MTCL1: variants seen among roughly 807,000 people sequenced by gnomAD.
The protein encoded by MTCL1 is microtubule cross-linking factor 1.
A neutral mutation model predicts 141.4 loss-of-function variants in MTCL1; 79 were observed. That is an observed-to-expected ratio of 0.56 (90% CI 0.47 to 0.67). MTCL1 has a LOEUF of 0.67. Among genes scored for constraint, MTCL1 ranks in the 30% least tolerant of loss-of-function variants. The pLI is 0.00. For synonymous variants in MTCL1, 914 were observed against 875.8 expected, an observed-to-expected ratio of 1.04 and a Z score of -0.77; for missense variants, 2,177 against 2,113.9, an observed-to-expected ratio of 1.03 and a Z score of -0.59.
At chr18:8,761,044 C>CTT (rs764528398) in intron 4 of MTCL1, among the ~76,000 whole-genome samples, 46 of 152,214 alleles carry the variant, frequency 3.0e-4, no homozygotes, top group Non-Finnish European at 4.4e-5. Flanking sequence ...GGAGAAAAAA[C>CTT]TTGCTAAAGC....
At chr18:8,768,623 T>C (rs910139201) in intron 4 of MTCL1, among the ~76,000 whole-genome samples, 1 of 152,214 alleles carries the variant, frequency 6.6e-6, no homozygotes, top group Non-Finnish European at 1.5e-5. Flanking sequence ...AACATTTTAA[T>C]ATATCATTTA....
intron 4 of MTCL1, among the ~76,000 whole-genome samples, chr18:8,755,669 C>T (rs2096393785): frequency 6.6e-6 from 1 of 152,140 alleles, no homozygotes; most frequent in Non-Finnish European, 1.5e-5. Context: ...GAGTCTAAAC[C>T]ACCTTTAAAA....
chr18:8,718,588 A>G (rs1307461659), exon 3 of MTCL1: 2 of 1,614,060 alleles, frequency 1.2e-6, no homozygotes, highest in Non-Finnish European at 1.7e-6. Context: ...AAAGCCTGAA[A>G]GTGGCTGAGA....
intron 15 of MTCL1, among the ~76,000 whole-genome samples, chr18:8,827,123 T>C (rs1338419384): frequency 6.6e-6 from 1 of 152,178 alleles, no homozygotes; most frequent in African/African-American, 2.4e-5. Flanking sequence ...TGGGAACACC[T>C]GGCCCCATGA....
chr18:8,746,506 GA>G (rs1415042524), intron 4 of MTCL1, among the ~76,000 whole-genome samples: 4 of 152,250 alleles, frequency 2.6e-5, no homozygotes, highest in Admixed American at 6.5e-5. Flanking sequence ...GAAGTGTGGA[GA>G]GGGGGAATCC....
At position 8,822,692 on chromosome 18, in the gene MTCL1, CT is replaced by C. The variant is rs201863647; in HGVS notation, c.3188+1204del. Among the ~76,000 whole-genome samples, 976 of 149,306 alleles carry C rather than the reference CT, an allele frequency of 6.5e-3. 8 individuals are homozygous for C. Among genetic ancestry groups the C allele is most frequent in the African/African-American group, 0.023 (935 of 40,824 alleles). On this transcript the variant is annotated intron_variant, in intron 14 of 16. Transcript: ENST00000359865. The surrounding 1 kb of genome is among the most constrained non-coding windows in gnomAD (Gnocchi z 4.6). ...TGTATACAGGACGTATTTTGATTAT[CT>C]TTTTTTTTTGCAGCTTATGTATGTT...
intron 4 of MTCL1, among the ~76,000 whole-genome samples, chr18:8,726,472 G>GGAGAGA (rs374393768): frequency 0.012 from 1,587 of 131,548 alleles, 51 homozygotes; most frequent in African/African-American, 0.042. Flanking sequence ...GAGAATAAGA[G>GGAGAGA]GAGAGAGAGA....
chr18:8,706,387 C>A (rs1330386803), exon 1 of MTCL1: 1 of 1,229,408 alleles, frequency 8.1e-7, no homozygotes, highest in African/African-American at 1.6e-5. Context: ...CTCCAGCGAC[C>A]GTGAACCCCC....
chr18:8,784,266 G>T lies in MTCL1; in HGVS notation c.1154G>T (p.Ser385Ile), dbSNP rs542117410. ...CTGCGTGCCCCCAGTCCCCGGGACA[G>T]CGATGCCGAGAGTGATGCGGGCAAG... Residue 385 changes from serine to isoleucine, a missense_variant, in exon 6 of 17, where the codon AGC becomes ATC. Physicochemically the swap from Ser to Ile is moderately radical, Grantham distance 142. Transcript: ENST00000359865. 6 of 1,600,040 alleles carry T rather than the reference G, an allele frequency of 3.7e-6. No homozygotes were observed. The African/African-American group carries it at 6.7e-5, about 18-fold the overall frequency.
In MTCL1 at chr18:8,784,235, C is replaced by G. The variant is rs754550050; in HGVS notation, c.1123C>G (p.Leu375Val). ...CCAGCGCTGCGACCTGGCAGCCCAC[C>G]TGGGGCTGCGTGCCCCCAGTCCCCG... Residue 375 changes from leucine to valine, a missense_variant, in exon 6 of 17, where the codon CTG (leucine) becomes GTG (valine). Physicochemically the swap from Leu to Val is conservative, Grantham distance 32. Coordinates refer to ENST00000359865, the Ensembl canonical transcript of MTCL1. 5 of 1,609,202 alleles carry G rather than the reference C, an allele frequency of 3.1e-6. No individual in the cohort carries two copies. The Admixed American group carries it at 5.0e-5, about 16-fold the overall frequency.
intron 4 of MTCL1, among the ~76,000 whole-genome samples, chr18:8,725,849 GCA>G (rs2096206477): frequency 1.4e-5 from 2 of 140,318 alleles, no homozygotes; most frequent in Admixed American, 1.5e-4. Context: ...GAGTGCAGTG[GCA>G]CGATCTCGGC....
intron 1 of MTCL1, among the ~76,000 whole-genome samples, chr18:8,710,899 T>TTA (rs1555623424): frequency 8.1e-5 from 12 of 148,714 alleles, no homozygotes; most frequent in Admixed American, 4.7e-4. Context: ...TTTTTTTTTT[T>TTA]TTATTATACT....
intron 4 of MTCL1, among the ~76,000 whole-genome samples, chr18:8,757,415 C>T (rs1434828779): frequency 6.6e-6 from 1 of 152,146 alleles, no homozygotes; most frequent in Non-Finnish European, 1.5e-5. Context: ...AGGAGACCCC[C>T]CAGACTTTGT....
chr18:8,736,992 C>G (rs1404827353), intron 4 of MTCL1, among the ~76,000 whole-genome samples: 1 of 152,134 alleles, frequency 6.6e-6, no homozygotes, highest in Non-Finnish European at 1.5e-5. Context: ...GCAAATATTC[C>G]TACCTGAGTA....
At chr18:8,783,359 C>T (rs1291793531) in intron 5 of MTCL1, among the ~76,000 whole-genome samples, 171 bp from the exon 5 acceptor site, 1 of 152,118 alleles carries the variant, frequency 6.6e-6, no homozygotes, top group African/African-American at 2.4e-5. Flanking sequence ...AGCCCCTGGG[C>T]CCACCTCTGC....
At chr18:8,743,049 T>A (rs1340424944) in intron 4 of MTCL1, among the ~76,000 whole-genome samples, 1 of 152,004 alleles carries the variant, frequency 6.6e-6, no homozygotes, top group Non-Finnish European at 1.5e-5. Context: ...TGAGTTACTT[T>A]AACTACTTGG....
intron 4 of MTCL1, among the ~76,000 whole-genome samples, chr18:8,758,440 C>T (rs2148989526): frequency 6.6e-6 from 1 of 152,294 alleles, no homozygotes; most frequent in Middle Eastern, 3.4e-3. Flanking sequence ...CACACATTTT[C>T]TTCTTCTATG....
At chr18:8,748,429 G>C (rs2096352632) in intron 4 of MTCL1, among the ~76,000 whole-genome samples, 1 of 152,124 alleles carries the variant, frequency 6.6e-6, no homozygotes, top group African/African-American at 2.4e-5. Flanking sequence ...TGTGGTCCCA[G>C]CTACTTGGGA....
chr18:8,825,590 T>A, exon 15 of MTCL1: 1 of 1,613,640 alleles, frequency 6.2e-7, no homozygotes, highest in Non-Finnish European at 8.5e-7. Context: ...CCGTGTCGTC[T>A]CCTTCCCGGA....
Sources: allele counts gnomAD v4.1 joint callset (sites outside exome capture counted in the v4.1 genomes callset), GRCh38; gene constraint gnomAD v4.1.1; non-coding constraint Gnocchi (gnomAD v3.1); transcripts MANE v1.5; gene names NCBI Gene and HGNC (gene_info 2026-07-23, HGNC 2026-07-21).